CHD7: variants seen among roughly 807,000 people sequenced by gnomAD.
CHD7 encodes the protein chromodomain helicase DNA binding protein 7.
Under a neutral mutation model 307.3 loss-of-function variants are expected in CHD7, and 24 were observed. That is an observed-to-expected ratio of 0.08 (90% CI 0.06 to 0.11). The LOEUF (loss-of-function observed/expected upper bound fraction) is 0.11, where lower values mean the gene tolerates loss of function less well. CHD7 is among the 10% of genes least tolerant of loss of function. The probability of loss-of-function intolerance (pLI) is 1.00; values close to 1 mark genes in which losing one functional copy is unlikely to be tolerated. For missense variants in CHD7, 3,106 were observed against 3,727.1 expected (o/e 0.83, Z 4.34); for synonymous variants, 1,363 against 1,349.9 (o/e 1.01, Z -0.21).
intron 1 of CHD7, among the ~76,000 whole-genome samples, chr8:60,712,018 C>T (rs1290632816): frequency 6.6e-6 from 1 of 152,198 alleles, no homozygotes; most frequent in African/African-American, 2.4e-5. Context: ...ATTTGATGAA[C>T]ATCTTCCATA....
intron 2 of CHD7, among the ~76,000 whole-genome samples, chr8:60,755,941 T>A (rs564898136): frequency 6.6e-6 from 1 of 152,370 alleles, no homozygotes; most frequent in African/African-American, 2.4e-5. Flanking sequence ...CTGTCCGTGA[T>A]CTTTCTGTCA....
chr8:60,763,442 G>A (rs945446723), intron 2 of CHD7, among the ~76,000 whole-genome samples: 5 of 152,034 alleles, frequency 3.3e-5, no homozygotes, highest in Non-Finnish European at 7.4e-5. Context: ...AATGGGTTTT[G>A]AATTAAGACA....
In CHD7 at chr8:60,741,720, C is replaced by T. The variant is rs754953018; in HGVS notation, c.288C>T (p.Asn96=). ...GAATGATGAGCAACACCCCTGGGAA[C>T]GGACTCGCGTCTCCGCACTCGCAGT... ...PNRMMSNTPG[N]GLASPHSQYH... is the part of the protein sequence containing the mutation. Residue 96 remains asparagine (N), a synonymous_variant, in exon 2 of 38, where the codon AAC becomes AAT. Coordinates refer to ENST00000423902, the MANE Select transcript of CHD7 (RefSeq NM_017780.4). 1.9e-5 allele frequency: 31 copies of T among 1,613,874 alleles called. No individual in the cohort carries two copies. The highest frequency in any genetic ancestry group is 1.6e-4 in the Middle Eastern group (1 of 6,084).
chr8:60,764,632 A>G (rs1023703812), intron 2 of CHD7, among the ~76,000 whole-genome samples: 2 of 152,218 alleles, frequency 1.3e-5, no homozygotes, highest in Admixed American at 1.3e-4. Flanking sequence ...CCATTCATTC[A>G]TTCATTCATT....
intron 1 of CHD7, among the ~76,000 whole-genome samples, chr8:60,721,669 C>G (rs1807912496): frequency 6.6e-6 from 1 of 152,212 alleles, no homozygotes; most frequent in Non-Finnish European, 1.5e-5. Flanking sequence ...ACATTTCTAA[C>G]CAGTTCCCCA....
intron 9 of CHD7, among the ~76,000 whole-genome samples, chr8:60,821,096 A>G (rs889995137): frequency 1.3e-5 from 2 of 152,224 alleles, no homozygotes; most frequent in East Asian, 1.9e-4. Flanking sequence ...CACAAACAGT[A>G]TCACTCTTTT....
intron 2 of CHD7, among the ~76,000 whole-genome samples, chr8:60,763,879 C>T (rs888220923): frequency 2.0e-5 from 3 of 152,196 alleles, no homozygotes; most frequent in African/African-American, 4.8e-5. Context: ...CCTCCCACCC[C>T]GACCAGTCAG....
rs1240008077 is a variant in CHD7, at chr8:60,742,679, G to A, written c.1247G>A (p.Gly416Glu). The A allele has an allele frequency of 3.7e-6, 6 of 1,611,080 alleles. No homozygotes were observed. The highest frequency in any genetic ancestry group is 3.3e-5 in the South Asian group (3 of 90,872). The change falls in exon 2 of 38, where the codon GGA becomes GAA. Residue 416 changes from glycine (G) to glutamate (E), a missense_variant. Transcript: ENST00000423902. Reference sequence around the variant, plus strand: ...ACTCCTCCTCCACAAGTCAGGCCGGGAAGTGCTGGGATACCAATGGAAGTT... The same window carrying A: ...ACTCCTCCTCCACAAGTCAGGCCGGAAAGTGCTGGGATACCAATGGAAGTT... ...AGTPPPQVRP[G>E]SAGIPMEVGS...
At chr8:60,820,171 A>G (rs974246059) in intron 9 of CHD7, 81 bp downstream of exon 9, 4 of 867,358 alleles carry the variant, frequency 4.6e-6, no homozygotes, top group Non-Finnish European at 7.4e-6. Flanking sequence ...AGAATCCTAG[A>G]CCTGGTCTTG....
chr8:60,822,812 A>C, intron 12 of CHD7, 66 bp downstream of exon 12: 1 of 1,410,092 alleles, frequency 7.1e-7, no homozygotes, highest in East Asian at 2.4e-5. Context: ...AAAAAAAATC[A>C]AAGTCTTGGT....
intron 1 of CHD7, among the ~76,000 whole-genome samples, chr8:60,722,773 T>TA (rs1226253340): frequency 1.3e-5 from 2 of 152,216 alleles, no homozygotes; most frequent in Non-Finnish European, 2.9e-5. Context: ...TTCAGTCTGT[T>TA]ACAATATGTT....
intron 3 of CHD7, among the ~76,000 whole-genome samples, chr8:60,789,562 C>A (rs929444094): frequency 1.3e-5 from 2 of 152,186 alleles, no homozygotes; most frequent in African/African-American, 4.8e-5. Flanking sequence ...CATTTGGGTC[C>A]ACAATGTGGT....
chr8:60,728,744 C>T (rs779811696), intron 1 of CHD7, among the ~76,000 whole-genome samples: 2 of 152,022 alleles, frequency 1.3e-5, no homozygotes, highest in Non-Finnish European at 2.9e-5. Flanking sequence ...GACCTTTAAA[C>T]AGGATATCAT....
intron 3 of CHD7, among the ~76,000 whole-genome samples, chr8:60,781,672 T>C (rs1326211443): frequency 1.3e-5 from 2 of 152,230 alleles, no homozygotes; most frequent in African/African-American, 2.4e-5. Flanking sequence ...ATCAATTTTT[T>C]ATATTTTTAT....
At chr8:60,736,422 C>G (rs1808714897) in intron 1 of CHD7, among the ~76,000 whole-genome samples, 1 of 152,136 alleles carries the variant, frequency 6.6e-6, no homozygotes, top group African/African-American at 2.4e-5. Flanking sequence ...TGTGTGGATT[C>G]TTTGCCTCTC....
chr8:60,835,853 C>G (rs1804717986), intron 15 of CHD7, among the ~76,000 whole-genome samples: 1 of 152,112 alleles, frequency 6.6e-6, no homozygotes, highest in Admixed American at 6.6e-5. Context: ...TGGTTTTCCC[C>G]CTGAATGCCT....
intron 7 of CHD7, chr8:60,809,667 TG>T (rs1425053138): frequency 5.2e-4 from 26 of 49,544 alleles, no homozygotes; most frequent in African/African-American, 2.3e-3. Flanking sequence ...AAGGGAGTTT[TG>T]AAAAAAAAAA....
At position 60,730,850 on chromosome 8, in the gene CHD7, A is replaced by G. The variant is rs567818998; in HGVS notation, c.-174-10409A>G. On this transcript the variant is annotated intron_variant, in intron 1 of 37. Coordinates refer to ENST00000423902, the MANE Select transcript of CHD7 (RefSeq NM_017780.4). The stretch of plus-strand genomic sequence containing the variant: ...ACTCCAGCCTGGGCGACAGAGCGAG[A>G]CTCTGTCTCAAAAAAAAAAAAGGAA... 2.0e-5 allele frequency among the ~76,000 whole-genome samples: 3 copies of G among 149,920 alleles called. No homozygotes were observed. In the Admixed American group the frequency reaches 2.1e-4, roughly 11 times the overall value.
At chr8:60,816,936 C>G (rs1319343928) in intron 8 of CHD7, among the ~76,000 whole-genome samples, 1 of 152,178 alleles carries the variant, frequency 6.6e-6, no homozygotes, top group East Asian at 1.9e-4. Context: ...ACAGAGAGTT[C>G]ACTAAACTCA....
Sources: allele counts gnomAD v4.1 joint callset (sites outside exome capture counted in the v4.1 genomes callset), GRCh38; gene constraint gnomAD v4.1.1; transcripts MANE v1.5; gene names NCBI Gene and HGNC (gene_info 2026-07-23, HGNC 2026-07-21).